SLC38A1: variants seen among roughly 807,000 people sequenced by gnomAD.
SLC38A1 encodes solute carrier family 38 member 1.
Under a neutral mutation model 60.3 loss-of-function variants are expected in SLC38A1, and 18 were observed. That is an observed-to-expected ratio of 0.30 (90% CI 0.21 to 0.44). SLC38A1 has a LOEUF of 0.44. Among genes scored for constraint, SLC38A1 ranks in the 20% least tolerant of loss-of-function variants. The probability of loss-of-function intolerance (pLI) is 1.00; values close to 1 mark genes in which losing one functional copy is unlikely to be tolerated. For missense variants in SLC38A1, 448 were observed against 587.2 expected, an observed-to-expected ratio of 0.76 and a Z score of 2.45; for synonymous variants, 196 against 212.1, an observed-to-expected ratio of 0.92 and a Z score of 0.66.
intron 5 of SLC38A1, among the ~76,000 whole-genome samples, chr12:46,223,900 T>A (rs1216461949): frequency 2.0e-5 from 3 of 152,236 alleles, no homozygotes; most frequent in Non-Finnish European, 4.4e-5. Context: ...TTCTGTGTAG[T>A]GTAATAAACA....
intron 3 of SLC38A1, among the ~76,000 whole-genome samples, chr12:46,232,366 AAGAC>A (rs1475775408): frequency 6.6e-6 from 1 of 152,264 alleles, no homozygotes; most frequent in East Asian, 1.9e-4. Flanking sequence ...AGGAAACTAA[AAGAC>A]AAAAGCCTAA....
rs77278707 is a variant in SLC38A1, at chr12:46,220,071, A to G, written c.314+9082T>C. ...ACTAGCAATAGCTGCTCAACTTCTA[A>G]AAACAATGAGTGGGACTCATCTCCT... On this transcript the variant is annotated intron_variant, in intron 5 of 16. Transcript: ENST00000398637. 2.0e-5 allele frequency among the ~76,000 whole-genome samples: 3 copies of G among 152,348 alleles called. No homozygotes were observed. The East Asian group carries it at 5.8e-4, about 29-fold the overall frequency.
chr12:46,262,953 C>A (rs1416393027), intron 1 of SLC38A1, among the ~76,000 whole-genome samples: 1 of 152,206 alleles, frequency 6.6e-6, no homozygotes, highest in East Asian at 1.9e-4. Context: ...TCCCAGTTCT[C>A]TGAATTAATG....
At chr12:46,262,102 G>T (rs114585700) in intron 1 of SLC38A1, among the ~76,000 whole-genome samples, 1 of 152,172 alleles carries the variant, frequency 6.6e-6, no homozygotes, top group Non-Finnish European at 1.5e-5. Flanking sequence ...GAGATGAACC[G>T]CTAACTTCCT....
chr12:46,217,094 G>T (rs1397902064), intron 5 of SLC38A1, among the ~76,000 whole-genome samples: 1 of 152,114 alleles, frequency 6.6e-6, no homozygotes, highest in Non-Finnish European at 1.5e-5. Context: ...AGTACCAAAT[G>T]TTGGGGTATT....
intron 5 of SLC38A1, among the ~76,000 whole-genome samples, chr12:46,209,787 A>T (rs1238653833): frequency 6.6e-6 from 1 of 152,184 alleles, no homozygotes; most frequent in African/African-American, 2.4e-5. Context: ...TGATGAACTC[A>T]TGTTTTTGTT....
chr12:46,266,509 C>G lies in SLC38A1; in HGVS notation c.-209+2017G>C, dbSNP rs952680103. On this transcript the variant is annotated intron_variant, in intron 1 of 16. Transcript: ENST00000398637. ...TCCCTCAATTATGGAAATAGCTGAT[C>G]CCTTTTCATCATTCGGGTCTGAGGA... Among the ~76,000 whole-genome samples, 3 of 151,892 alleles carry G rather than the reference C, an allele frequency of 2.0e-5. No individual in the cohort carries two copies. The South Asian group carries it at 6.3e-4, about 32-fold the overall frequency.
At chr12:46,249,517 A>G (rs1485740040) in intron 1 of SLC38A1, among the ~76,000 whole-genome samples, 2 of 152,214 alleles carry the variant, frequency 1.3e-5, no homozygotes, top group Non-Finnish European at 2.9e-5. Flanking sequence ...GAGATACAAA[A>G]AAACCCTTCA....
intron 1 of SLC38A1, among the ~76,000 whole-genome samples, chr12:46,252,896 A>T (rs967869661): frequency 6.6e-6 from 1 of 152,030 alleles, no homozygotes; most frequent in African/African-American, 2.4e-5. Context: ...CTCATTTGCC[A>T]CAACCTGGAT....
Position 46,206,181 on chromosome 12 carries a change from AT to A in SLC38A1, c.564-20del. The A allele has an allele frequency of 6.6e-7, 1 of 1,507,942 alleles. No individual in the cohort carries two copies. The highest frequency in any genetic ancestry group is 9.1e-7 in the Non-Finnish European group (1 of 1,102,326). 93.4% of individuals were successfully genotyped at this position (1,507,942 alleles called of 1,614,324 possible). A position where few individuals can be genotyped will look rare whatever the true frequency, so the allele number is the denominator to read the frequency against. On this transcript the variant is annotated intron_variant, in intron 8 of 16. Transcript: ENST00000398637. ...CCAGGCTCTGAAAGGCATTTAAGTGATTAGGTTATATTTTTTTAGAAAGTGA... is the reference window on the plus strand; with the variant it reads ...CCAGGCTCTGAAAGGCATTTAAGTGATAGGTTATATTTTTTTAGAAAGTGA...
At chr12:46,267,005 C>T (rs1942371830) in intron 1 of SLC38A1, among the ~76,000 whole-genome samples, 1 of 152,142 alleles carries the variant, frequency 6.6e-6, no homozygotes, top group Non-Finnish European at 1.5e-5. Flanking sequence ...GACAACGAGG[C>T]CAGCCATGCA....
chr12:46,256,613 G>GCACACACACACACA (rs566800141), intron 1 of SLC38A1, among the ~76,000 whole-genome samples: 4 of 107,456 alleles, frequency 3.7e-5, no homozygotes, highest in African/African-American at 1.4e-4. Flanking sequence ...GCGCGCGCGC[G>GCACACACACACACA]CACACACACA....
At chr12:46,238,994 G>A (rs536914390) in intron 3 of SLC38A1, 1 of 152,256 alleles carries the variant, frequency 6.6e-6, no homozygotes, top group East Asian at 1.9e-4. Context: ...ATGCAACTTT[G>A]ACCATTTCTT....
intron 3 of SLC38A1, among the ~76,000 whole-genome samples, chr12:46,234,028 T>C (rs1177884448): frequency 6.6e-6 from 1 of 152,218 alleles, no homozygotes; most frequent in African/African-American, 2.4e-5. Context: ...GGAATTCACT[T>C]TCCCTTGAGG....
chr12:46,245,298 G>C (rs1941575897), intron 1 of SLC38A1, among the ~76,000 whole-genome samples: 1 of 152,180 alleles, frequency 6.6e-6, no homozygotes, highest in Non-Finnish European at 1.5e-5. Context: ...CAGTGGTTTT[G>C]AGAAAGTATT....
chr12:46,244,619 G>A (rs572559437), intron 1 of SLC38A1, among the ~76,000 whole-genome samples: 1 of 152,304 alleles, frequency 6.6e-6, no homozygotes, highest in South Asian at 2.1e-4. Flanking sequence ...CTCAAGTGAT[G>A]TGTTCCTCTA....
rs1444315153 is a variant in SLC38A1, at chr12:46,209,114, A to C, written c.328T>G (p.Ser110Ala). ...GAATATATAGACAGCAATGTCACTG[A>C]AGTCAAAAGTACCCTAAAGCAAAGA... ...GILLFLVLLTSVTLLSIYSIN... is the reference protein window; with the variant it reads ...GILLFLVLLTAVTLLSIYSIN... Residue 110 changes from serine (S) to alanine (A), a missense_variant, in exon 6 of 17, where the codon TCA becomes GCA. Physicochemically the swap from Ser to Ala is moderately conservative, Grantham distance 99. This residue lies in a region of SLC38A1 where 346 missense variants were observed against 497.5 expected (regional missense o/e 0.70). Coordinates refer to ENST00000398637, the MANE Select transcript of SLC38A1 (RefSeq NM_030674.4). The C allele has an allele frequency of 6.2e-7, 1 of 1,606,276 alleles. No individual in the cohort carries two copies. The highest frequency in any genetic ancestry group is 8.5e-7 in the Non-Finnish European group (1 of 1,173,642).
intron 1 of SLC38A1, chr12:46,267,644 G>A (rs1243832316): frequency 6.6e-6 from 1 of 152,328 alleles, no homozygotes; most frequent in Non-Finnish European, 1.5e-5. Context: ...TCGCACAAGG[G>A]CGAAGATGCG....
intron 12 of SLC38A1, 70 bp from the exon 13 acceptor site, chr12:46,201,268 G>T: frequency 8.0e-7 from 1 of 1,256,484 alleles, no homozygotes; most frequent in Non-Finnish European, 1.1e-6. Context: ...TAACATTGAA[G>T]AATACTAATT....
Sources: allele counts gnomAD v4.1 joint callset (sites outside exome capture counted in the v4.1 genomes callset), GRCh38; gene constraint gnomAD v4.1.1; regional missense constraint gnomAD v4.1.1; transcripts MANE v1.5; gene names NCBI Gene and HGNC (gene_info 2026-07-23, HGNC 2026-07-21).